TBC1D12: variants seen among roughly 807,000 people sequenced by gnomAD.
TBC1D12 encodes TBC1 domain family member 12, also known as TBC1 domain family, member 12.
In TBC1D12, 56 loss-of-function variants were observed where a neutral mutation model predicts 86.7. The observed-to-expected ratio is 0.65, with a 90% CI of 0.52 to 0.81. The LOEUF (loss-of-function observed/expected upper bound fraction) is 0.81. Ranked by LOEUF, TBC1D12 falls within the 30% of genes least tolerant of loss-of-function variation. The pLI is 0.00. For synonymous variants in TBC1D12, 421 were observed against 411.7 expected (o/e 1.02, Z -0.27); for missense variants, 1,023 against 1,038.8 (o/e 0.98, Z 0.21).
At chr10:94,508,534 G>A (rs753347109) in intron 7 of TBC1D12, 11 of 151,418 alleles carry the variant, frequency 7.3e-5, no homozygotes, top group Non-Finnish European at 1.6e-4. Flanking sequence ...GGTTTATCTA[G>A]TCTGCTATTA....
At chr10:94,501,639 C>T (rs572728757) in intron 6 of TBC1D12, among the ~76,000 whole-genome samples, 6 of 151,392 alleles carry the variant, frequency 4.0e-5, no homozygotes, top group East Asian at 4.1e-4. Context: ...CTCCGCCTCC[C>T]GGGTTCAAGC....
chr10:94,493,438 A>G lies in TBC1D12; in HGVS notation c.1285A>G (p.Lys429Glu). 1 of 1,610,658 alleles carries G rather than the reference A, an allele frequency of 6.2e-7. No individual in the cohort carries two copies. Among genetic ancestry groups the G allele is most frequent in the Non-Finnish European group, 8.5e-7 (1 of 1,178,324 alleles). Residue 429 changes from lysine to glutamate, a missense_variant, in exon 4 of 13, where the codon AAA becomes GAA. By Grantham distance (56) the Lys-to-Glu change is moderately conservative. Transcript: ENST00000225235. ...QEYDEMVAEAKKREIKEAHKR... is the reference protein window; with the variant it reads ...QEYDEMVAEAEKREIKEAHKR... ...ATACGATGAGATGGTGGCTGAGGCT[A>G]AAAAACGAGGTATAAAATTTAACTC...
rs568851142 is a variant in TBC1D12, at chr10:94,409,473, T to C, written c.971+5889T>C. On this transcript the variant is annotated intron_variant, in intron 1 of 12. Transcript: ENST00000225235. ...TGCAGCCTCAGACTCCTGGGCTCAATTGATCCTTTCAGCTCAGCCTCCCAA... is the reference window on the plus strand; with the variant it reads ...TGCAGCCTCAGACTCCTGGGCTCAACTGATCCTTTCAGCTCAGCCTCCCAA... Among the ~76,000 whole-genome samples the C allele has an allele frequency of 6.7e-5, 10 of 149,614 alleles. 1 individual carries two copies. In the East Asian group the frequency reaches 1.0e-3, roughly 15 times the overall value.
At chr10:94,435,072 A>G (rs1255028072) in intron 1 of TBC1D12, among the ~76,000 whole-genome samples, 2 of 152,228 alleles carry the variant, frequency 1.3e-5, no homozygotes, top group Non-Finnish European at 2.9e-5. Flanking sequence ...TACATTTGCA[A>G]ATATACCACA....
intron 3 of TBC1D12, among the ~76,000 whole-genome samples, chr10:94,483,297 C>A (rs1433015940): frequency 6.6e-6 from 1 of 152,092 alleles, no homozygotes; most frequent in African/African-American, 2.4e-5. Flanking sequence ...ATTGCTGGAT[C>A]ATATGGTAGC....
At chr10:94,430,579 A>AG (rs34534137) in intron 1 of TBC1D12, among the ~76,000 whole-genome samples, 1 of 152,346 alleles carries the variant, frequency 6.6e-6, no homozygotes, top group Non-Finnish European at 1.5e-5. Context: ...TCTGACTCTT[A>AG]GGTCCTATGT....
chr10:94,524,951 G>A (rs2134229315), intron 11 of TBC1D12, among the ~76,000 whole-genome samples: 1 of 152,064 alleles, frequency 6.6e-6, no homozygotes. Flanking sequence ...TCAGCCTCCT[G>A]AGTAGTTGGG....
At chr10:94,404,383 C>A (rs964101466) in intron 1 of TBC1D12, among the ~76,000 whole-genome samples, 1 of 152,130 alleles carries the variant, frequency 6.6e-6, no homozygotes, top group Non-Finnish European at 1.5e-5. Context: ...CGGTGGCTCA[C>A]GCCTGTAATT....
intron 2 of TBC1D12, among the ~76,000 whole-genome samples, chr10:94,445,434 G>A (rs2055447704): frequency 6.6e-6 from 1 of 152,138 alleles, no homozygotes. Flanking sequence ...GAGAAGAAGG[G>A]GTAGAGTTGA....
intron 2 of TBC1D12, among the ~76,000 whole-genome samples, chr10:94,470,080 A>G (rs1464277691): frequency 6.6e-6 from 1 of 152,176 alleles, no homozygotes; most frequent in Non-Finnish European, 1.5e-5. Flanking sequence ...GTAGATGAAA[A>G]TCAGTACTTA....
At chr10:94,445,818 G>A (rs1589620698) in intron 2 of TBC1D12, among the ~76,000 whole-genome samples, 2 of 151,900 alleles carry the variant, frequency 1.3e-5, no homozygotes, top group Admixed American at 1.3e-4. Context: ...TGTGGTGGCA[G>A]GTGCCTATAA....
intron 11 of TBC1D12, among the ~76,000 whole-genome samples, chr10:94,526,150 T>C (rs763905638): frequency 6.6e-6 from 1 of 152,140 alleles, no homozygotes; most frequent in Non-Finnish European, 1.5e-5. Flanking sequence ...TGAGATCAGC[T>C]GGCCAGTGCG....
At chr10:94,488,384 G>GTGTT (rs1281425108) in intron 3 of TBC1D12, among the ~76,000 whole-genome samples, 1 of 106,084 alleles carries the variant, frequency 9.4e-6, no homozygotes, top group Non-Finnish European at 1.9e-5. Flanking sequence ...GGCCCAAGGG[G>GTGTT]TCTTTTTTTT....
chr10:94,480,162 C>A (rs1284095267), intron 3 of TBC1D12, among the ~76,000 whole-genome samples: 4 of 152,188 alleles, frequency 2.6e-5, no homozygotes, highest in African/African-American at 9.6e-5. Flanking sequence ...TGATTGTTTT[C>A]TTTTACCTAA....
chr10:94,417,147 G>A (rs990773029), intron 1 of TBC1D12, among the ~76,000 whole-genome samples: 1 of 152,182 alleles, frequency 6.6e-6, no homozygotes, highest in African/African-American at 2.4e-5. Context: ...CGGTGTGGCA[G>A]ATGATTTGCA....
At chr10:94,492,796 A>G (rs2056263856) in intron 3 of TBC1D12, among the ~76,000 whole-genome samples, 1 of 152,208 alleles carries the variant, frequency 6.6e-6, no homozygotes, top group African/African-American at 2.4e-5. Flanking sequence ...AATGTTCTAT[A>G]TCTTGATTGG....
rs1311029226 is a variant in TBC1D12 at position 94,534,636 on chromosome 10, G to A, written c.*1540G>A. ...ATGAATTCTTTCATTGTAACATAGGGAGTCATTTTCAAAAAGGTAGATATG... is the reference window on the plus strand; with the variant it reads ...ATGAATTCTTTCATTGTAACATAGGAAGTCATTTTCAAAAAGGTAGATATG... On this transcript the variant is annotated 3_prime_UTR_variant, in exon 13 of 13. Coordinates refer to ENST00000225235, the MANE Select transcript of TBC1D12 (RefSeq NM_015188.2). The A allele has an allele frequency of 6.6e-6, 1 of 152,148 alleles. No individual in the cohort carries two copies. Among genetic ancestry groups the A allele is most frequent in the Non-Finnish European group, 1.5e-5 (1 of 68,030 alleles). The allele number at this position is 152,148 out of a possible 1,614,324, so 9.4% of individuals were successfully genotyped here. A position where few individuals can be genotyped will look rare whatever the true frequency, so the allele number is the denominator to read the frequency against.
intron 3 of TBC1D12, among the ~76,000 whole-genome samples, chr10:94,488,996 C>G (rs890685531): frequency 6.6e-6 from 1 of 152,164 alleles, no homozygotes; most frequent in African/African-American, 2.4e-5. Context: ...AAGCACTCCC[C>G]CAAATGTCCT....
intron 3 of TBC1D12, among the ~76,000 whole-genome samples, chr10:94,489,236 AT>A (rs2056213884): frequency 6.6e-6 from 1 of 152,144 alleles, no homozygotes; most frequent in Non-Finnish European, 1.5e-5. Context: ...TGCTCCCTCC[AT>A]GGGCAGGTGC....
Sources: gnomAD v4.1 joint callset for allele counts (sites outside exome capture counted in the v4.1 genomes callset) on GRCh38, gnomAD v4.1.1 for gene constraint, MANE v1.5 for transcripts, NCBI Gene and HGNC (gene_info 2026-07-23, HGNC 2026-07-21) for gene names.